Variants in CCDC8 observed in about 807,000 individuals in gnomAD.
The protein encoded by CCDC8 is coiled-coil domain containing 8 subunit of 3M complex, also known as coiled-coil domain-containing protein 8.
Under a neutral mutation model 5.2 loss-of-function variants are expected in CCDC8, and 6 were observed. That is an observed-to-expected ratio of 1.16 (90% CI 0.63 to 2.28). The LOEUF (loss-of-function observed/expected upper bound fraction) is 2.28, where lower values mean the gene tolerates loss of function less well. CCDC8 is among the 30% of genes most tolerant of loss of function. The probability of loss-of-function intolerance (pLI) is 0.00; values close to 1 mark genes in which losing one functional copy is unlikely to be tolerated. For missense variants in CCDC8, 724 were observed against 712.2 expected (o/e 1.02, Z -0.19); for synonymous variants, 310 against 286.5 (o/e 1.08, Z -0.83).
chr19:46,412,803 T>G lies in CCDC8; in HGVS notation c.8A>C (p.Gln3Pro). Reference protein sequence around the residue: MLQIGEDVDYLLI... With the variant: MLPIGEDVDYLLI... ...CAAATAGTCGACGTCCTCCCCGATC[T>G]GCAGCATCCCCACCGTGGAGTCCTC... The change falls in exon 1 of 1, where the codon CAG (glutamine) becomes CCG (proline). Residue 3 changes from glutamine to proline, a missense_variant. Transcript: ENST00000307522. This position sits in a 1 kb window ranked among gnomAD's most constrained non-coding sequence, Gnocchi z 4.7. 2 of 1,614,100 alleles carry G rather than the reference T, an allele frequency of 1.2e-6. No homozygotes were observed. Among genetic ancestry groups the G allele is most frequent in the Non-Finnish European group, 1.7e-6 (2 of 1,180,032 alleles).
rs200336737 is a variant in CCDC8, at chr19:46,411,356, G to A, written c.1455C>T (p.Arg485=). The A allele has an allele frequency of 4.1e-4, 656 of 1,614,186 alleles. 1 individual carries two copies. Among genetic ancestry groups the A allele is most frequent in the Middle Eastern group, 2.5e-3 (15 of 6,062 alleles). Residue 485 remains arginine, a synonymous_variant, in exon 1 of 1, where the codon CGC becomes CGT. Coordinates refer to ENST00000307522, the MANE Select transcript of CCDC8 (RefSeq NM_032040.5). Reference sequence around the variant, plus strand: ...TCCGGCGCTTGCAAAACCACGAAAAGCGTCCAGGGGTCTGGAACCTCACTG... The same window carrying A: ...TCCGGCGCTTGCAAAACCACGAAAAACGTCCAGGGGTCTGGAACCTCACTG... The part of the protein sequence containing the change: ...VKTVRFQTPG[R]FSWFCKRRRA...
At position 46,410,779 on chromosome 19, in the gene CCDC8, T is replaced by C. The variant is rs571899394; in HGVS notation, c.*415A>G. 1 of 165,128 alleles carries C rather than the reference T, an allele frequency of 6.1e-6. No individual in the cohort carries two copies. Among genetic ancestry groups the C allele is most frequent in the East Asian group, 1.7e-4 (1 of 5,858 alleles). 10.2% of individuals were successfully genotyped at this position (165,128 alleles called of 1,614,324 possible). On this transcript the variant is annotated 3_prime_UTR_variant, in exon 1 of 1. Transcript: ENST00000307522. ...GCACCTTGAGTTGCATTTGAGGAAA[T>C]GAAAACTATAGGTGACGCAACCCCA...
chr19:46,412,879 G>A lies in CCDC8; in HGVS notation c.-69C>T. 6.3e-7 allele frequency: 1 copy of A among 1,583,658 alleles called. No homozygotes were observed. The highest frequency in any genetic ancestry group is 8.6e-7 in the Non-Finnish European group (1 of 1,162,070). On this transcript the variant is annotated 5_prime_UTR_variant, in exon 1 of 1. Coordinates refer to ENST00000307522, the MANE Select transcript of CCDC8 (RefSeq NM_032040.5). The surrounding 1 kb of genome is among the most constrained non-coding windows in gnomAD (Gnocchi z 4.7). The stretch of plus-strand genomic sequence containing the variant: ...TTCTTAAATGTCCCCACGGGCTTTA[G>A]GGCTTCCACGAGGACGTCCAAATCC...
Position 46,411,640 on chromosome 19 carries a change from G to A in CCDC8, c.1171C>T (p.Gln391Ter). ...DNHREEAADN[Q>*]RAEAPADQGS... is the part of the protein sequence containing the mutation. Reference sequence around the variant, plus strand: ...TGGTCAGCTGGGGCCTCCGCCCTCTGATTATCTGCAGCCTCTTCCCTGTGG... The same window carrying A: ...TGGTCAGCTGGGGCCTCCGCCCTCTAATTATCTGCAGCCTCTTCCCTGTGG... The change falls in exon 1 of 1, where the codon CAG (glutamine) becomes TAG (stop). Residue 391 changes from glutamine to a stop codon, truncating the protein, a stop_gained. Coordinates refer to ENST00000307522, the MANE Select transcript of CCDC8 (RefSeq NM_032040.5). LOFTEE classifies it low-confidence loss of function (END_TRUNC). The A allele has an allele frequency of 1.3e-6, 2 of 1,574,258 alleles. No homozygotes were observed. Among genetic ancestry groups the A allele is most frequent in the Admixed American group, 1.7e-5 (1 of 57,236 alleles).
Position 46,412,815 on chromosome 19 carries a change from ACCGTGGAGTCCTCCT to A in CCDC8, c.-20_-6del. On this transcript the variant is annotated 5_prime_UTR_variant, in exon 1 of 1. Coordinates refer to ENST00000307522, the MANE Select transcript of CCDC8 (RefSeq NM_032040.5). The surrounding 1 kb of genome is among the most constrained non-coding windows in gnomAD (Gnocchi z 4.7). ...GTCCTCCCCGATCTGCAGCATCCCC[ACCGTGGAGTCCTCCT>A]CCTTGCGGAACACCTTGCCGATCTT... 1.2e-6 allele frequency: 2 copies of A among 1,613,974 alleles called. No individual in the cohort carries two copies. Among genetic ancestry groups the A allele is most frequent in the Non-Finnish European group, 1.7e-6 (2 of 1,180,004 alleles).
chr19:46,411,712 G>T lies in CCDC8; in HGVS notation c.1099C>A (p.Gln367Lys). Reference protein sequence around the residue: ...DNQREEAADNQRAEAPADQRS... With the variant: ...DNQREEAADNKRAEAPADQRS... ...TGGTCAGCTGGGGCCTCTGCCCTCT[G>T]ATTATCTGCAGCCTCTTCCCTCTGG... is the stretch of plus-strand genomic sequence containing the variant. The change falls in exon 1 of 1, where the codon CAG becomes AAG. Residue 367 changes from glutamine to lysine, a missense_variant. Coordinates refer to ENST00000307522, the MANE Select transcript of CCDC8 (RefSeq NM_032040.5). 6 of 1,613,136 alleles carry T rather than the reference G, an allele frequency of 3.7e-6. No individual in the cohort carries two copies. Among genetic ancestry groups the T allele is most frequent in the Non-Finnish European group, 5.1e-6 (6 of 1,179,654 alleles).
Position 46,412,104 on chromosome 19 carries a change from A to G in CCDC8, c.707T>C (p.Val236Ala), listed in dbSNP as rs745566147. 4.4e-6 allele frequency: 7 copies of G among 1,598,740 alleles called. No homozygotes were observed. Among genetic ancestry groups the G allele is most frequent in the Non-Finnish European group, 4.2e-6 (5 of 1,179,900 alleles). Reference protein sequence around the residue: ...LASTAVESAGVSSAPEGTSPG... With the variant: ...LASTAVESAGASSAPEGTSPG... Reference sequence around the variant, plus strand: ...GCTGGTGCCCTCTGGCGCCGATGATACCCCTGCGCTCTCCACTGCGGTGGA... The same window carrying G: ...GCTGGTGCCCTCTGGCGCCGATGATGCCCCTGCGCTCTCCACTGCGGTGGA... Residue 236 changes from valine (V) to alanine (A), a missense_variant, in exon 1 of 1, where the codon GTA (valine) becomes GCA (alanine). By Grantham distance (64) the Val-to-Ala change is moderately conservative. Transcript: ENST00000307522. The surrounding 1 kb of genome is among the most constrained non-coding windows in gnomAD (Gnocchi z 4.7).
At position 46,412,140 on chromosome 19, in the gene CCDC8, G is replaced by A. The variant is rs1369047327; in HGVS notation, c.671C>T (p.Ala224Val). 2 of 1,598,452 alleles carry A rather than the reference G, an allele frequency of 1.3e-6. No homozygotes were observed. The highest frequency in any genetic ancestry group is 1.3e-5 in the African/African-American group (1 of 74,912). ...CTCCACTGCGGTGGAGGCCAGCCGG[G>A]CCTCGCCCACCCCGGGGCCCGCCCT... ...APRAGPGVGE[A>V]RLASTAVESA... is the part of the protein sequence containing the mutation. The change falls in exon 1 of 1, where the codon GCC (alanine) becomes GTC (valine). Residue 224 changes from alanine to valine, a missense_variant. Transcript: ENST00000307522. The surrounding 1 kb of genome is among the most constrained non-coding windows in gnomAD (Gnocchi z 4.7).
rs781044104 is a variant in CCDC8 at position 46,412,000 on chromosome 19, A to C, written c.811T>G (p.Trp271Gly). Reference protein sequence around the residue: ...SPRRWRPKINWASFRRRRKEQ... With the variant: ...SPRRWRPKINGASFRRRRKEQ... ...TTCCTGCGGCGCCGAAAGGAGGCCCAGTTGATCTTGGGCCTCCATCGCCTA... is the reference window on the plus strand; with the variant it reads ...TTCCTGCGGCGCCGAAAGGAGGCCCCGTTGATCTTGGGCCTCCATCGCCTA... The change falls in exon 1 of 1, where the codon TGG (tryptophan) becomes GGG (glycine). Residue 271 changes from tryptophan to glycine, a missense_variant. Physicochemically the swap from Trp to Gly is radical, Grantham distance 184. Transcript: ENST00000307522. 1 of 1,606,186 alleles carries C rather than the reference A, an allele frequency of 6.2e-7. No homozygotes were observed. Among genetic ancestry groups the C allele is most frequent in the Admixed American group, 1.7e-5 (1 of 60,024 alleles).
rs1973221567 is a variant in CCDC8, at chr19:46,411,133, C to T, written c.*61G>A. On this transcript the variant is annotated 3_prime_UTR_variant, in exon 1 of 1. Coordinates refer to ENST00000307522, the MANE Select transcript of CCDC8 (RefSeq NM_032040.5). ...CCACCTCCACTTTGAAGTTCAGAGG[C>T]AGAGCATCTCTCCCTCCCACACTTG... 1.3e-6 allele frequency: 2 copies of T among 1,584,364 alleles called. No individual in the cohort carries two copies. The highest frequency in any genetic ancestry group is 1.7e-6 in the Non-Finnish European group (2 of 1,155,912).
In CCDC8 at chr19:46,410,855, A is replaced by AT. The variant is rs35842698; in HGVS notation, c.*338dup. On this transcript the variant is annotated 3_prime_UTR_variant, in exon 1 of 1. Coordinates refer to ENST00000307522, the MANE Select transcript of CCDC8 (RefSeq NM_032040.5). ...TTTTGGGTTGCTACAAGGAATCAGT[A>AT]TTTTTTTTTTTTAATCAGATGGTGT... 0.16 allele frequency: 30,335 copies of AT among 192,768 alleles called. 2,203 individuals are homozygous for AT. The highest frequency in any genetic ancestry group is 0.24 in the African/African-American group (9,979 of 41,516). 11.9% of individuals were successfully genotyped at this position (192,768 alleles called of 1,614,324 possible).
Position 46,412,821 on chromosome 19 carries a change from G to C in CCDC8, c.-11C>G. The C allele has an allele frequency of 6.2e-7, 1 of 1,614,012 alleles. No individual in the cohort carries two copies. The highest frequency in any genetic ancestry group is 8.5e-7 in the Non-Finnish European group (1 of 1,180,002). The stretch of plus-strand genomic sequence containing the variant: ...CCCGATCTGCAGCATCCCCACCGTG[G>C]AGTCCTCCTCCTTGCGGAACACCTT... On this transcript the variant is annotated 5_prime_UTR_variant, in exon 1 of 1. Transcript: ENST00000307522. This position sits in a 1 kb window ranked among gnomAD's most constrained non-coding sequence, Gnocchi z 4.7.
rs750939574 is a variant in CCDC8, at chr19:46,411,737, G to A, written c.1074C>T (p.Asn358=). 1 of 1,610,674 alleles carries A rather than the reference G, an allele frequency of 6.2e-7. No homozygotes were observed. Among genetic ancestry groups the A allele is most frequent in the Non-Finnish European group, 8.5e-7 (1 of 1,179,224 alleles). Reference sequence around the variant, plus strand: ...GATTATCTGCAGCCTCTTCCCTCTGGTTATCTGCAGCCTCTGCCCCCTCCT... The same window carrying A: ...GATTATCTGCAGCCTCTTCCCTCTGATTATCTGCAGCCTCTGCCCCCTCCT... ...PAEEGAEAAD[N]QREEAADNQR... is the part of the protein sequence containing the mutation. The change falls in exon 1 of 1, where the codon AAC becomes AAT. Residue 358 remains asparagine, a synonymous_variant. Coordinates refer to ENST00000307522, the MANE Select transcript of CCDC8 (RefSeq NM_032040.5).
chr19:46,411,770 G>T lies in CCDC8; in HGVS notation c.1041C>A (p.Ala347=). The T allele has an allele frequency of 6.2e-7, 1 of 1,612,528 alleles. No homozygotes were observed. The highest frequency in any genetic ancestry group is 8.5e-7 in the Non-Finnish European group (1 of 1,179,646). The part of the protein sequence containing the change: ...EEAADNQRAG[A]PAEEGAEAAD... ...CAGCCTCTGCCCCCTCCTCAGCTGG[G>T]GCCCCTGCCCTCTGATTATCTGCAG... Residue 347 remains alanine (A), a synonymous_variant, in exon 1 of 1, where the codon GCC becomes GCA. Transcript: ENST00000307522.
At position 46,412,348 on chromosome 19, in the gene CCDC8, C is replaced by T; in HGVS notation, c.463G>A (p.Ala155Thr). The T allele has an allele frequency of 2.5e-6, 4 of 1,613,384 alleles. No individual in the cohort carries two copies. The highest frequency in any genetic ancestry group is 3.4e-6 in the Non-Finnish European group (4 of 1,179,996). Residue 155 changes from alanine (A) to threonine (T), a missense_variant, in exon 1 of 1, where the codon GCC becomes ACC. By Grantham distance (58) the Ala-to-Thr change is moderately conservative (BLOSUM62 0). Coordinates refer to ENST00000307522, the MANE Select transcript of CCDC8 (RefSeq NM_032040.5). The surrounding 1 kb of genome is among the most constrained non-coding windows in gnomAD (Gnocchi z 4.7). ...ESEDDEELVE[A>T]FLRRQEKQPS... ...TGCTTCTCCTGTCGCCGGAGGAAGG[C>T]CTCGACCAGTTCCTCATCATCCTCA...
At position 46,412,771 on chromosome 19, in the gene CCDC8, G is replaced by A; in HGVS notation, c.40C>T (p.Pro14Ser). ...IGEDVDYLLI[P>S]REVRLAGGVW... ...CCCCCAGCCAGCCTGACCTCCCGGG[G>A]GATGAGCAAATAGTCGACGTCCTCC... The change falls in exon 1 of 1, where the codon CCC (proline) becomes TCC (serine). Residue 14 changes from proline to serine, a missense_variant. Coordinates refer to ENST00000307522, the MANE Select transcript of CCDC8 (RefSeq NM_032040.5). The surrounding 1 kb of genome is among the most constrained non-coding windows in gnomAD (Gnocchi z 4.7). The A allele has an allele frequency of 6.2e-7, 1 of 1,614,030 alleles. No homozygotes were observed. Among genetic ancestry groups the A allele is most frequent in the Non-Finnish European group, 8.5e-7 (1 of 1,180,024 alleles).
rs947370858 is a variant in CCDC8 at position 46,412,957 on chromosome 19, G to A, written c.-147C>T. 4 of 1,096,562 alleles carry A rather than the reference G, an allele frequency of 3.6e-6. No homozygotes were observed. The African/African-American group carries it at 6.2e-5, about 17-fold the overall frequency. 67.9% of individuals were successfully genotyped at this position (1,096,562 alleles called of 1,614,324 possible). ...CAAAGAATGAGGCAGTCGGGGGACG[G>A]CAGGAAGCCCCAGGGGAACCAGCCC... On this transcript the variant is annotated 5_prime_UTR_variant, in exon 1 of 1. Transcript: ENST00000307522. The surrounding 1 kb of genome is among the most constrained non-coding windows in gnomAD (Gnocchi z 4.7).
Position 46,411,718 on chromosome 19 carries a change from C to T in CCDC8, c.1093G>A (p.Asp365Asn), listed in dbSNP as rs199509009. The change falls in exon 1 of 1, where the codon GAT (aspartate) becomes AAT (asparagine). Residue 365 changes from aspartate to asparagine, a missense_variant. Coordinates refer to ENST00000307522, the MANE Select transcript of CCDC8 (RefSeq NM_032040.5). ...AADNQREEAADNQRAEAPADQ... is the reference protein window; with the variant it reads ...AADNQREEAANNQRAEAPADQ... Reference sequence around the variant, plus strand: ...GCTGGGGCCTCTGCCCTCTGATTATCTGCAGCCTCTTCCCTCTGGTTATCT... The same window carrying T: ...GCTGGGGCCTCTGCCCTCTGATTATTTGCAGCCTCTTCCCTCTGGTTATCT... The T allele has an allele frequency of 6.2e-7, 1 of 1,613,438 alleles. No homozygotes were observed. Among genetic ancestry groups the T allele is most frequent in the East Asian group, 2.2e-5 (1 of 44,822 alleles).
chr19:46,411,147 C>T lies in CCDC8; in HGVS notation c.*47G>A. ...AAGTTCAGAGGCAGAGCATCTCTCC[C>T]TCCCACACTTGGAGGGAGGGCCCGT... On this transcript the variant is annotated 3_prime_UTR_variant, in exon 1 of 1. Transcript: ENST00000307522. 2 of 1,611,068 alleles carry T rather than the reference C, an allele frequency of 1.2e-6. No homozygotes were observed. Among genetic ancestry groups the T allele is most frequent in the Non-Finnish European group, 1.7e-6 (2 of 1,178,860 alleles).
Sources: allele counts gnomAD v4.1 joint callset, GRCh38; gene constraint gnomAD v4.1.1; non-coding constraint Gnocchi (gnomAD v3.1); transcripts MANE v1.5; gene names NCBI Gene and HGNC (gene_info 2026-07-23, HGNC 2026-07-21).